The following PARP15 variants were observed in gnomAD, a reference collection of about 807,000 sequenced individuals.
PARP15 encodes protein mono-ADP-ribosyltransferase PARP15.
PARP15 carries 50 observed loss-of-function variants against 62.1 expected under a neutral mutation model. That is an observed-to-expected ratio of 0.81 (90% CI 0.64 to 1.02). The LOEUF (loss-of-function observed/expected upper bound fraction) is 1.02, where lower values mean the gene tolerates loss of function less well. Ranked by LOEUF, PARP15 falls within the 50% of genes least tolerant of loss-of-function variation. The probability of loss-of-function intolerance (pLI) is 0.00; values close to 1 mark genes in which losing one functional copy is unlikely to be tolerated. For synonymous variants in PARP15, 309 were observed against 293.1 expected (o/e 1.05, Z -0.55); for missense variants, 820 against 826.5 (o/e 0.99, Z 0.10).
Position 122,627,022 on chromosome 3 carries a change from C to T in PARP15, c.1427C>T (p.Ser476Phe), listed in dbSNP as rs1936778981. 6.2e-7 allele frequency: 1 copy of T among 1,609,690 alleles called. No homozygotes were observed. Among genetic ancestry groups the T allele is most frequent in the Middle Eastern group, 1.7e-4 (1 of 6,040 alleles). ...TCACTGAACTTTCAGTCCACATTCTCCATGACTACATGTAAGATGTTCACT... is the reference window on the plus strand; with the variant it reads ...TCACTGAACTTTCAGTCCACATTCTTCATGACTACATGTAAGATGTTCACT... ...SASLNFQSTFSMTTCNLPEHW... is the reference protein window; with the variant it reads ...SASLNFQSTFFMTTCNLPEHW... The change falls in exon 9 of 12, where the codon TCC (serine) becomes TTC (phenylalanine). Residue 476 changes from serine to phenylalanine, a missense_variant. Around this residue, in one of 3 missense-constraint regions of PARP15, gnomAD observed 731 missense variants for 727.7 expected, o/e 1.00. Coordinates refer to ENST00000464300, the MANE Select transcript of PARP15 (RefSeq NM_001113523.3).
intron 11 of PARP15, 100 bp downstream of exon 11, chr3:122,635,294 T>C (rs1395083455): frequency 2.7e-6 from 3 of 1,091,650 alleles, no homozygotes; most frequent in Non-Finnish European, 3.9e-6. Flanking sequence ...AGCTGTATTA[T>C]CACTGTCAGA....
chr3:122,610,862 G>A (rs1438113007), intron 3 of PARP15, 132 bp downstream of exon 3: 1 of 650,724 alleles, frequency 1.5e-6, no homozygotes. Context: ...ACTGCTGCTG[G>A]TATCTAGTGG....
At chr3:122,611,433 G>A (rs1935557041) in intron 3 of PARP15, among the ~76,000 whole-genome samples, 1 of 151,872 alleles carries the variant, frequency 6.6e-6, no homozygotes, top group African/African-American at 2.4e-5. Flanking sequence ...CTGCCTCCCG[G>A]GTTCAAGTGA....
rs1362411522 is a variant in PARP15 at position 122,636,368 on chromosome 3, AG to A, written c.*269del. On this transcript the variant is annotated 3_prime_UTR_variant, in exon 12 of 12. Coordinates refer to ENST00000464300, the MANE Select transcript of PARP15 (RefSeq NM_001113523.3). ...ACACCAAATCTCTAGGAGAATAAAAAGCACATTATTCTTTTTCTATCAGAAA... is the reference window on the plus strand; with the variant it reads ...ACACCAAATCTCTAGGAGAATAAAAACACATTATTCTTTTTCTATCAGAAA... 8.6e-5 allele frequency: 34 copies of A among 395,388 alleles called. No homozygotes were observed. The highest frequency in any genetic ancestry group is 2.8e-5 in the Non-Finnish European group (6 of 218,148). 24.5% of individuals were successfully genotyped at this position (395,388 alleles called of 1,614,324 possible). A position where few individuals can be genotyped will look rare whatever the true frequency, so the allele number is the denominator to read the frequency against.
In PARP15 at chr3:122,626,870, C is replaced by T. The variant is rs140511524; in HGVS notation, c.1275C>T (p.Ile425=). ...KNPITVADNI[I]DAIVDFSSQH... ...CTATCACAGTTGCTGATAACATAATCGATGCTATTGTAGACTTCTCATCAC... is the reference window on the plus strand; with the variant it reads ...CTATCACAGTTGCTGATAACATAATTGATGCTATTGTAGACTTCTCATCAC... Residue 425 remains isoleucine (I), a synonymous_variant, in exon 9 of 12, where the codon ATC becomes ATT. Coordinates refer to ENST00000464300, the MANE Select transcript of PARP15 (RefSeq NM_001113523.3). 7.4e-5 allele frequency: 120 copies of T among 1,613,490 alleles called. No homozygotes were observed. The African/African-American group carries it at 1.2e-3, about 16-fold the overall frequency.
At chr3:122,604,712 T>C (rs1213484883) in intron 1 of PARP15, among the ~76,000 whole-genome samples, 1 of 152,018 alleles carries the variant, frequency 6.6e-6, no homozygotes, top group East Asian at 1.9e-4. Context: ...ATACAAAAAA[T>C]TAGACGGGAG....
At chr3:122,581,753 T>C (rs2332239) in intron 1 of PARP15, among the ~76,000 whole-genome samples, 56,477 of 152,084 alleles carry the variant, frequency 0.37, 10,912 homozygotes, top group Admixed American at 0.46. Flanking sequence ...CGTAGTCCAT[T>C]TGTTTATTCT....
At chr3:122,613,647 C>G (rs1935733681) in intron 4 of PARP15, among the ~76,000 whole-genome samples, 1 of 152,114 alleles carries the variant, frequency 6.6e-6, no homozygotes, top group Non-Finnish European at 1.5e-5. Context: ...CTACACAAGT[C>G]TGTGAGTGTC....
chr3:122,618,867 T>G (rs1936157204), intron 6 of PARP15, among the ~76,000 whole-genome samples: 1 of 152,186 alleles, frequency 6.6e-6, no homozygotes, highest in African/African-American at 2.4e-5. Flanking sequence ...TCAACAAGCC[T>G]TCTTGCATAG....
At chr3:122,581,705 TG>T (rs1231391643) in intron 1 of PARP15, among the ~76,000 whole-genome samples, 2 of 152,234 alleles carry the variant, frequency 1.3e-5, no homozygotes, top group African/African-American at 4.8e-5. Context: ...CTTTTTATTC[TG>T]TTGATTGTTT....
At chr3:122,594,827 G>A in intron 1 of PARP15, 1 of 982,528 alleles carries the variant, frequency 1.0e-6, no homozygotes, top group South Asian at 4.7e-5. Context: ...CTTTGGAACA[G>A]ACAACAACCA....
chr3:122,591,665 G>A (rs1277058347), intron 1 of PARP15, among the ~76,000 whole-genome samples: 1 of 150,890 alleles, frequency 6.6e-6, no homozygotes, highest in Non-Finnish European at 1.5e-5. Context: ...GGAGGCTGAG[G>A]CAGGAGAATT....
chr3:122,616,962 G>C, intron 5 of PARP15, 53 bp from the exon 6 acceptor site: 2 of 1,589,708 alleles, frequency 1.3e-6, no homozygotes, highest in Middle Eastern at 1.7e-4. Context: ...GATGAGTGCT[G>C]TTCCTCCAGA....
chr3:122,615,905 A>G (rs769790338), intron 5 of PARP15, 48 bp downstream of exon 5: 6 of 1,538,152 alleles, frequency 3.9e-6, no homozygotes, highest in East Asian at 2.3e-5. Context: ...TTGCTGAGCA[A>G]CTCTTCAGTG....
chr3:122,620,446 T>G (rs937796805), intron 7 of PARP15, among the ~76,000 whole-genome samples: 1 of 152,202 alleles, frequency 6.6e-6, no homozygotes, highest in Non-Finnish European at 1.5e-5. Flanking sequence ...GCTATGAGTA[T>G]GCTTTCAAGA....
At chr3:122,608,594 ATTCTTCAAGGCC>A (rs1299653554) in intron 2 of PARP15, among the ~76,000 whole-genome samples, 4 of 152,030 alleles carry the variant, frequency 2.6e-5, no homozygotes, top group Non-Finnish European at 5.9e-5. Context: ...AATTATAGCC[ATTCTTCAAGGCC>A]TATCTGAAAT....
intron 1 of PARP15, among the ~76,000 whole-genome samples, chr3:122,597,947 G>A (rs918237323): frequency 6.6e-6 from 1 of 152,136 alleles, no homozygotes; most frequent in Non-Finnish European, 1.5e-5. Context: ...TAAATGCTAT[G>A]TAAATAGTTG....
intron 2 of PARP15, among the ~76,000 whole-genome samples, chr3:122,608,694 TA>T (rs1254028851): frequency 1.3e-5 from 2 of 152,178 alleles, no homozygotes; most frequent in African/African-American, 2.4e-5. Flanking sequence ...TTGAAATCTA[TA>T]CCAACTAATA....
intron 1 of PARP15, among the ~76,000 whole-genome samples, chr3:122,582,686 C>G (rs1933057956): frequency 1.3e-5 from 2 of 152,014 alleles, no homozygotes; most frequent in African/African-American, 4.8e-5. Flanking sequence ...GTTTATTGTG[C>G]TTCTTGGTTT....
Sources: allele counts gnomAD v4.1 joint callset (sites outside exome capture counted in the v4.1 genomes callset), GRCh38; gene constraint gnomAD v4.1.1; regional missense constraint gnomAD v4.1.1; transcripts MANE v1.5; gene names NCBI Gene and HGNC (gene_info 2026-07-23, HGNC 2026-07-21).